MLEC: variants seen among roughly 807,000 people sequenced by gnomAD.
The protein encoded by MLEC is oligosaccharyltransferase complex subunit (non-catalytic).
A neutral mutation model predicts 28.7 loss-of-function variants in MLEC; 7 were observed. The observed-to-expected ratio is 0.24, with a 90% CI of 0.14 to 0.46. MLEC has a LOEUF of 0.46. MLEC is among the 20% of genes least tolerant of loss of function. The pLI is 0.99. For missense variants in MLEC, 237 were observed against 391.1 expected (o/e 0.61, Z 3.32); for synonymous variants, 142 against 164.4 (o/e 0.86, Z 1.04).
chr12:120,687,610 GC>G lies in MLEC; in HGVS notation c.235+83del. The G allele has an allele frequency of 8.4e-7, 1 of 1,193,034 alleles. No individual in the cohort carries two copies. The allele number at this position is 1,193,034 out of a possible 1,614,324, so 73.9% of individuals were successfully genotyped here. A position where few individuals can be genotyped will look rare whatever the true frequency, so the allele number is the denominator to read the frequency against. On this transcript the variant is annotated intron_variant, in intron 1 of 4. Coordinates refer to ENST00000228506, the MANE Select transcript of MLEC (RefSeq NM_014730.4). This position sits in a 1 kb window ranked among gnomAD's most constrained non-coding sequence, Gnocchi z 8.1. The stretch of plus-strand genomic sequence containing the variant: ...GCCGGCCGGGGGCTGCGGGCCCCGA[GC>G]CCCTTTCGACCCTGGGGCCGCGTCT...
In MLEC at chr12:120,699,155, G is replaced by A. The variant is rs956279263; in HGVS notation, c.*2610G>A. Reference sequence around the variant, plus strand: ...CTTTATTTTTATTTTTGTATTGTATGTGTCAAGAATTACTCTGTTGTTCAC... The same window carrying A: ...CTTTATTTTTATTTTTGTATTGTATATGTCAAGAATTACTCTGTTGTTCAC... On this transcript the variant is annotated 3_prime_UTR_variant, in exon 5 of 5. Transcript: ENST00000228506. 1 of 152,602 alleles carries A rather than the reference G, an allele frequency of 6.6e-6. No homozygotes were observed. Among genetic ancestry groups the A allele is most frequent in the Non-Finnish European group, 1.5e-5 (1 of 68,030 alleles). 9.5% of individuals were successfully genotyped at this position (152,602 alleles called of 1,614,324 possible).
Position 120,700,937 on chromosome 12 carries a change from G to A in MLEC, c.*4392G>A, listed in dbSNP as rs1592922177. On this transcript the variant is annotated 3_prime_UTR_variant, in exon 5 of 5. Coordinates refer to ENST00000228506, the MANE Select transcript of MLEC (RefSeq NM_014730.4). The surrounding 1 kb of genome is among the most constrained non-coding windows in gnomAD (Gnocchi z 4.0). ...TCTTGATAAGAGCAGGTGATTTGGG[G>A]ACTAGCTGGGTTGGCAGGAAAAGAG... 6.6e-6 allele frequency: 1 copy of A among 152,338 alleles called. No homozygotes were observed. Among genetic ancestry groups the A allele is most frequent in the East Asian group, 1.9e-4 (1 of 5,208 alleles). The allele number at this position is 152,338 out of a possible 1,614,324, so 9.4% of individuals were successfully genotyped here.
chr12:120,689,377 G>A (rs1021832947), intron 1 of MLEC, among the ~76,000 whole-genome samples: 8 of 152,096 alleles, frequency 5.3e-5, no homozygotes, highest in African/African-American at 1.9e-4. Context: ...GTCCTATTTC[G>A]GACACTGGCC....
In MLEC at chr12:120,697,776, C is replaced by G. The variant is rs779156537; in HGVS notation, c.*1231C>G. The G allele has an allele frequency of 1.3e-5, 2 of 152,284 alleles. No individual in the cohort carries two copies. The highest frequency in any genetic ancestry group is 2.9e-5 in the Non-Finnish European group (2 of 68,058). 9.4% of individuals were successfully genotyped at this position (152,284 alleles called of 1,614,324 possible). A position where few individuals can be genotyped will look rare whatever the true frequency, so the allele number is the denominator to read the frequency against. On this transcript the variant is annotated 3_prime_UTR_variant, in exon 5 of 5. Transcript: ENST00000228506. This position sits in a 1 kb window ranked among gnomAD's most constrained non-coding sequence, Gnocchi z 4.8. ...AGCCAGTTTTGGTTTATGCCTAGAG[C>G]TACTTCAAGGAACTAGACTAATTAG...
At position 120,687,612 on chromosome 12, in the gene MLEC, C is replaced by G; in HGVS notation, c.235+81C>G. 1 of 1,116,168 alleles carries G rather than the reference C, an allele frequency of 9.0e-7. No individual in the cohort carries two copies. Among genetic ancestry groups the G allele is most frequent in the Non-Finnish European group, 1.2e-6 (1 of 825,004 alleles). 69.1% of individuals were successfully genotyped at this position (1,116,168 alleles called of 1,614,324 possible). On this transcript the variant is annotated intron_variant, in intron 1 of 4. Coordinates refer to ENST00000228506, the MANE Select transcript of MLEC (RefSeq NM_014730.4). This position sits in a 1 kb window ranked among gnomAD's most constrained non-coding sequence, Gnocchi z 8.1. Reference sequence around the variant, plus strand: ...CGGCCGGGGGCTGCGGGCCCCGAGCCCCTTTCGACCCTGGGGCCGCGTCTC... The same window carrying G: ...CGGCCGGGGGCTGCGGGCCCCGAGCGCCTTTCGACCCTGGGGCCGCGTCTC...
rs1287495100 is a variant in MLEC at position 120,687,281 on chromosome 12, C to T, written c.-16C>T. 9 of 1,374,514 alleles carry T rather than the reference C, an allele frequency of 6.5e-6. No homozygotes were observed. Among genetic ancestry groups the T allele is most frequent in the Non-Finnish European group, 7.5e-6 (8 of 1,070,116 alleles). The allele number at this position is 1,374,514 out of a possible 1,614,324, so 85.1% of individuals were successfully genotyped here. ...GACGAGGGTCGGCGGGGGCTGCCCC[C>T]GTGGTGGTGGCCGCCATGCTGGGAG... On this transcript the variant is annotated 5_prime_UTR_variant, in exon 1 of 5. Transcript: ENST00000228506. This position sits in a 1 kb window ranked among gnomAD's most constrained non-coding sequence, Gnocchi z 8.1.
chr12:120,689,937 G>T (rs1881975862), intron 1 of MLEC, among the ~76,000 whole-genome samples: 1 of 152,190 alleles, frequency 6.6e-6, no homozygotes, highest in African/African-American at 2.4e-5. Flanking sequence ...CAACATTCTT[G>T]TAATTGTGAG....
chr12:120,687,396 G>A lies in MLEC; in HGVS notation c.100G>A (p.Ala34Thr), dbSNP rs1050775153. The change falls in exon 1 of 5, where the codon GCC becomes ACC. Residue 34 changes from alanine (A) to threonine (T), a missense_variant. Transcript: ENST00000228506. This position sits in a 1 kb window ranked among gnomAD's most constrained non-coding sequence, Gnocchi z 8.1. ...PAIRGPGLGVAGVAGAAGAGL... is the reference protein window; with the variant it reads ...PAIRGPGLGVTGVAGAAGAGL... Reference sequence around the variant, plus strand: ...GATCCGGGGACCCGGGCTCGGCGTGGCCGGCGTGGCCGGCGCGGCGGGGGC... The same window carrying A: ...GATCCGGGGACCCGGGCTCGGCGTGACCGGCGTGGCCGGCGCGGCGGGGGC... 2 of 1,378,292 alleles carry A rather than the reference G, an allele frequency of 1.5e-6. No individual in the cohort carries two copies. The highest frequency in any genetic ancestry group is 1.5e-5 in the African/African-American group (1 of 66,538). The allele number at this position is 1,378,292 out of a possible 1,614,324, so 85.4% of individuals were successfully genotyped here.
chr12:120,694,389 A>G lies in MLEC; in HGVS notation c.414+120A>G. On this transcript the variant is annotated intron_variant, in intron 2 of 4. Coordinates refer to ENST00000228506, the MANE Select transcript of MLEC (RefSeq NM_014730.4). The surrounding 1 kb of genome is among the most constrained non-coding windows in gnomAD (Gnocchi z 4.5). ...GAAAGGCAGAACAGATGAGCTCTAG[A>G]GAAGCATGTTCCATAGTGCACAAGG... 1 of 1,046,342 alleles carries G rather than the reference A, an allele frequency of 9.6e-7. No homozygotes were observed. The highest frequency in any genetic ancestry group is 2.4e-5 in the East Asian group (1 of 41,120). The allele number at this position is 1,046,342 out of a possible 1,614,324, so 64.8% of individuals were successfully genotyped here.
intron 4 of MLEC, 147 bp downstream of exon 4, chr12:120,695,299 C>T: frequency 1.1e-6 from 1 of 872,134 alleles, no homozygotes; most frequent in Non-Finnish European, 1.9e-6. Context: ...AAGGATGAAG[C>T]ATAACATGGT....
At chr12:120,693,231 C>T (rs954644022) in intron 1 of MLEC, among the ~76,000 whole-genome samples, 5 of 152,212 alleles carry the variant, frequency 3.3e-5, no homozygotes. Flanking sequence ...ATTGCCTTGC[C>T]CTGCAGGATG....
At chr12:120,690,115 C>T (rs977930015) in intron 1 of MLEC, among the ~76,000 whole-genome samples, 1 of 152,178 alleles carries the variant, frequency 6.6e-6, no homozygotes, top group Non-Finnish European at 1.5e-5. Context: ...TAGAAGCGTT[C>T]ACCTTGGGGT....
chr12:120,693,289 C>T (rs376528990), intron 1 of MLEC, among the ~76,000 whole-genome samples: 10 of 152,218 alleles, frequency 6.6e-5, no homozygotes, highest in African/African-American at 2.4e-4. Flanking sequence ...TTTGCAGGCA[C>T]CTCCTTCATT....
rs1462964589 is a variant in MLEC at position 120,699,095 on chromosome 12, T to C, written c.*2550T>C. 6.5e-6 allele frequency: 1 copy of C among 152,684 alleles called. No individual in the cohort carries two copies. The highest frequency in any genetic ancestry group is 1.5e-5 in the Non-Finnish European group (1 of 68,072). 9.5% of individuals were successfully genotyped at this position (152,684 alleles called of 1,614,324 possible). A position where few individuals can be genotyped will look rare whatever the true frequency, so the allele number is the denominator to read the frequency against. The stretch of plus-strand genomic sequence containing the variant: ...TTTGTTTTGTGGCTCCTCCAAGATA[T>C]AGGTACATGAAGTTTAGGTTAAAGG... On this transcript the variant is annotated 3_prime_UTR_variant, in exon 5 of 5. Coordinates refer to ENST00000228506, the MANE Select transcript of MLEC (RefSeq NM_014730.4).
At chr12:120,691,824 A>G (rs1270612499) in intron 1 of MLEC, among the ~76,000 whole-genome samples, 1 of 152,142 alleles carries the variant, frequency 6.6e-6, no homozygotes, top group African/African-American at 2.4e-5. Flanking sequence ...GCCGCAGATT[A>G]CGTTACTGTC....
At position 120,694,481 on chromosome 12, in the gene MLEC, T is replaced by C. The variant is rs1882152190; in HGVS notation, c.414+212T>C. ...AATCCTTGTTTTGCCAACTAACTGATCCTGTTAAGGCCCTCCTGGCTACTT... is the reference window on the plus strand; with the variant it reads ...AATCCTTGTTTTGCCAACTAACTGACCCTGTTAAGGCCCTCCTGGCTACTT... On this transcript the variant is annotated intron_variant, in intron 2 of 4. Transcript: ENST00000228506. This position sits in a 1 kb window ranked among gnomAD's most constrained non-coding sequence, Gnocchi z 4.5. 6.6e-6 allele frequency among the ~76,000 whole-genome samples: 1 copy of C among 152,214 alleles called. No homozygotes were observed. The highest frequency in any genetic ancestry group is 6.5e-5 in the Admixed American group (1 of 15,284).
chr12:120,693,801 CA>C (rs762206870), intron 1 of MLEC, among the ~76,000 whole-genome samples: 4 of 152,182 alleles, frequency 2.6e-5, no homozygotes, highest in African/African-American at 4.8e-5. Context: ...TCCGTACAGT[CA>C]GGGGGAAAAA....
intron 1 of MLEC, among the ~76,000 whole-genome samples, chr12:120,689,605 G>C (rs765107143): frequency 6.6e-6 from 1 of 152,200 alleles, no homozygotes; most frequent in South Asian, 2.1e-4. Context: ...GCATAAGCTT[G>C]CACTCTCAGG....
At position 120,697,707 on chromosome 12, in the gene MLEC, T is replaced by A. The variant is rs1486781614; in HGVS notation, c.*1162T>A. 6.6e-6 allele frequency: 1 copy of A among 152,666 alleles called. No homozygotes were observed. The highest frequency in any genetic ancestry group is 1.5e-5 in the Non-Finnish European group (1 of 68,056). The allele number at this position is 152,666 out of a possible 1,614,324, so 9.5% of individuals were successfully genotyped here. Reference sequence around the variant, plus strand: ...ACTGACCACTGTTTAGAGTGTCTGGTATCTGATGTTCATTTATTCCCATGT... The same window carrying A: ...ACTGACCACTGTTTAGAGTGTCTGGAATCTGATGTTCATTTATTCCCATGT... On this transcript the variant is annotated 3_prime_UTR_variant, in exon 5 of 5. Transcript: ENST00000228506. This position sits in a 1 kb window ranked among gnomAD's most constrained non-coding sequence, Gnocchi z 4.8.
Sources: gnomAD v4.1 joint callset for allele counts (sites outside exome capture counted in the v4.1 genomes callset) on GRCh38, gnomAD v4.1.1 for gene constraint, Gnocchi (gnomAD v3.1) non-coding constraint, MANE v1.5 for transcripts, NCBI Gene and HGNC (gene_info 2026-07-23, HGNC 2026-07-21) for gene names.